CTDSP2: variants seen among roughly 807,000 people sequenced by gnomAD.
CTDSP2 encodes the protein carboxy-terminal domain RNA polymerase II polypeptide A small phosphatase 2.
A neutral mutation model predicts 31.6 loss-of-function variants in CTDSP2; 9 were observed. The observed-to-expected ratio is 0.28, with a 90% CI of 0.17 to 0.50. The LOEUF is 0.50. CTDSP2 is among the 20% of genes least tolerant of loss of function. The probability of loss-of-function intolerance (pLI) is 0.98; values close to 1 mark genes in which losing one functional copy is unlikely to be tolerated. For synonymous variants in CTDSP2, 134 were observed against 134.5 expected (o/e 1.00, Z 0.03); for missense variants, 267 against 348.5 (o/e 0.77, Z 1.86).
rs1322349412 is a variant in CTDSP2, at chr12:57,824,277, G to A, written c.454C>T (p.Arg152Cys). ...KRPYVDEFLR[R>C]MGELFECVLF... ...ACACATTCAAAGAGTTCCCCCATGC[G>A]TCTCAGGAACTCATCCACATAAGGC... The change falls in exon 6 of 8, where the codon CGC (arginine) becomes TGC (cysteine). Residue 152 changes from arginine (R) to cysteine (C), a missense_variant. By Grantham distance (180) the Arg-to-Cys change is radical. Around this residue, in one of 2 missense-constraint regions of CTDSP2, gnomAD observed 156 missense variants for 241.3 expected, o/e 0.65. Coordinates refer to ENST00000398073, the MANE Select transcript of CTDSP2 (RefSeq NM_005730.4). 3 of 1,613,980 alleles carry A rather than the reference G, an allele frequency of 1.9e-6. No individual in the cohort carries two copies. The highest frequency in any genetic ancestry group is 2.2e-5 in the East Asian group (1 of 44,904).
At chr12:57,828,145 C>T (rs747929917) in intron 2 of CTDSP2, among the ~76,000 whole-genome samples, 10 of 152,280 alleles carry the variant, frequency 6.6e-5, no homozygotes, top group Non-Finnish European at 1.3e-4. Context: ...GACCGCCGGG[C>T]GCAGTGGCTC....
At position 57,821,007 on chromosome 12, in the gene CTDSP2, T is replaced by G. The variant is rs913917739; in HGVS notation, c.*2595A>C. Reference sequence around the variant, plus strand: ...AGTCTCAAGTGGGAGGGGCTGATGGTGGGAAGCCCTAGAAGAGAGTCTGGG... The same window carrying G: ...AGTCTCAAGTGGGAGGGGCTGATGGGGGGAAGCCCTAGAAGAGAGTCTGGG... On this transcript the variant is annotated 3_prime_UTR_variant, in exon 8 of 8. Coordinates refer to ENST00000398073, the MANE Select transcript of CTDSP2 (RefSeq NM_005730.4). 2.0e-5 allele frequency: 3 copies of G among 152,140 alleles called. No homozygotes were observed. Among genetic ancestry groups the G allele is most frequent in the African/African-American group, 7.2e-5 (3 of 41,416 alleles). 9.4% of individuals were successfully genotyped at this position (152,140 alleles called of 1,614,324 possible).
intron 1 of CTDSP2, among the ~76,000 whole-genome samples, chr12:57,831,409 T>C (rs1241106941): frequency 1.3e-5 from 2 of 151,986 alleles, no homozygotes; most frequent in Non-Finnish European, 2.9e-5. Context: ...GCCGAGATCA[T>C]GCGACTGCAC....
chr12:57,825,921 G>C (rs1006085980), intron 5 of CTDSP2, among the ~76,000 whole-genome samples: 1 of 152,160 alleles, frequency 6.6e-6, no homozygotes, highest in African/African-American at 2.4e-5. Context: ...GGTTACTACT[G>C]ATTTCCCTGC....
chr12:57,833,910 T>C (rs1208860658), intron 1 of CTDSP2, among the ~76,000 whole-genome samples: 1 of 152,214 alleles, frequency 6.6e-6, no homozygotes, highest in East Asian at 1.9e-4. Context: ...CATCATTACC[T>C]CATTTAATCC....
intron 1 of CTDSP2, among the ~76,000 whole-genome samples, chr12:57,845,245 C>G (rs1448959605): frequency 6.6e-6 from 1 of 152,170 alleles, no homozygotes; most frequent in East Asian, 1.9e-4. Flanking sequence ...GGGGGGCTCT[C>G]TAGAGAAACG....
At chr12:57,830,979 C>T (rs1353500654) in intron 1 of CTDSP2, among the ~76,000 whole-genome samples, 3 of 151,360 alleles carry the variant, frequency 2.0e-5, no homozygotes, top group African/African-American at 7.3e-5. Flanking sequence ...AACTCCTGAC[C>T]TCAGGTGATC....
intron 1 of CTDSP2, among the ~76,000 whole-genome samples, chr12:57,835,559 C>CTGCTA (rs1565847473): frequency 1.3e-5 from 2 of 152,228 alleles, no homozygotes; most frequent in Non-Finnish European, 2.9e-5. Context: ...CCTTCATTCC[C>CTGCTA]TGCTACCCTC....
At chr12:57,842,530 T>A (rs887771022) in intron 1 of CTDSP2, 1 of 152,200 alleles carries the variant, frequency 6.6e-6, no homozygotes, top group Non-Finnish European at 1.5e-5. Flanking sequence ...GCCCCAGATG[T>A]TAGGCATTTA....
At chr12:57,841,406 A>G (rs1956281832) in intron 1 of CTDSP2, among the ~76,000 whole-genome samples, 1 of 152,248 alleles carries the variant, frequency 6.6e-6, no homozygotes, top group African/African-American at 2.4e-5. Flanking sequence ...TAACTCTCAA[A>G]GCAGACAGTG....
At chr12:57,832,995 C>T (rs894742782) in intron 1 of CTDSP2, among the ~76,000 whole-genome samples, 1 of 152,124 alleles carries the variant, frequency 6.6e-6, no homozygotes, top group Non-Finnish European at 1.5e-5. Context: ...AAGACCAAAG[C>T]TGAACCATCG....
In CTDSP2 at chr12:57,823,626, G is replaced by C. The variant is rs1956162585; in HGVS notation, c.792C>G (p.Ser264Arg). 6.2e-7 allele frequency: 1 copy of C among 1,614,008 alleles called. No individual in the cohort carries two copies. The highest frequency in any genetic ancestry group is 1.1e-5 in the South Asian group (1 of 91,070). ...GCTAAGGGGCCCGCAGCTGCCCAAGGCTGGTGTAGACGTCCTCTGCTCCGC... is the reference window on the plus strand; with the variant it reads ...GCTAAGGGGCCCGCAGCTGCCCAAGCCTGGTGTAGACGTCCTCTGCTCCGC... ...ELSGAEDVYTSLGQLRAP is the reference protein window; with the variant it reads ...ELSGAEDVYTRLGQLRAP The change falls in exon 8 of 8, where the codon AGC (serine) becomes AGG (arginine). Residue 264 changes from serine (S) to arginine (R), a missense_variant. Coordinates refer to ENST00000398073, the MANE Select transcript of CTDSP2 (RefSeq NM_005730.4).
rs1595188521 is a variant in CTDSP2 at position 57,827,564 on chromosome 12, G to A, written c.240C>T (p.Tyr80=). 4 of 1,614,074 alleles carry A rather than the reference G, an allele frequency of 2.5e-6. No homozygotes were observed. In the East Asian group the frequency reaches 8.9e-5, roughly 36 times the overall value. Residue 80 remains tyrosine (Y), a synonymous_variant, in exon 3 of 8, where the codon TAC becomes TAT. Coordinates refer to ENST00000398073, the MANE Select transcript of CTDSP2 (RefSeq NM_005730.4). The part of the protein sequence containing the change: ...AKSDLLQCLQ[Y]QFYQIPGTCL... ...CAGAGTCACGTACCTGGTAGAACTG[G>A]TACTGGAGACACTGGAGCAGATCCG...
rs905133861 is a variant in CTDSP2, at chr12:57,832,265, C to T, written c.65-2669G>A. Among the ~76,000 whole-genome samples, 7 of 152,238 alleles carry T rather than the reference C, an allele frequency of 4.6e-5. No homozygotes were observed. The South Asian group carries it at 8.3e-4, about 18-fold the overall frequency. On this transcript the variant is annotated intron_variant, in intron 1 of 7. Transcript: ENST00000398073. ...AGCCTGAAAGCCTGGACATCACTTT[C>T]AAGCTCCTGGCTCTGGAAGAGGAAC...
At chr12:57,827,651 C>T in intron 2 of CTDSP2, 61 bp from the exon 3 acceptor site, 2 of 1,536,112 alleles carry the variant, frequency 1.3e-6, no homozygotes, top group East Asian at 2.3e-5. Flanking sequence ...CATCCAAACC[C>T]ACTGCTTCTG....
At chr12:57,827,178 G>A (rs1956188349) in intron 3 of CTDSP2, 81 bp from the exon 4 acceptor site, 1 of 1,018,092 alleles carries the variant, frequency 9.8e-7, no homozygotes, top group African/African-American at 1.6e-5. Context: ...GGAAGAGCTG[G>A]GTTGTTTGTG....
intron 1 of CTDSP2, among the ~76,000 whole-genome samples, chr12:57,838,303 AAACTC>A (rs1182338151): frequency 6.6e-6 from 1 of 152,196 alleles, no homozygotes; most frequent in Non-Finnish European, 1.5e-5. Context: ...CCATCCAAGA[AAACTC>A]AAAGGACTGG....
At chr12:57,823,759 C>T (rs763503357) in intron 7 of CTDSP2, 32 bp from the exon 8 acceptor site, 15 of 1,612,832 alleles carry the variant, frequency 9.3e-6, no homozygotes, top group Middle Eastern at 1.6e-4. Flanking sequence ...GTCAATCTCC[C>T]GACTGCTGCT....
At position 57,823,666 on chromosome 12, in the gene CTDSP2, A is replaced by G. The variant is rs375864907; in HGVS notation, c.752T>C (p.Ile251Thr). The change falls in exon 8 of 8, where the codon ATC becomes ACC. Residue 251 changes from isoleucine (I) to threonine (T), a missense_variant. Ile to Thr is a moderately conservative substitution (Grantham distance 89). This residue lies in a region of CTDSP2 where 156 missense variants were observed against 241.3 expected (regional missense o/e 0.65). Transcript: ENST00000398073. ...CTCTGCTCCGCTCAGCTCCTCAAAG[A>G]TTGGGATCAGGTTCAGCAACTCAGT... Reference protein sequence around the residue: ...ADTELLNLIPIFEELSGAEDV... With the variant: ...ADTELLNLIPTFEELSGAEDV... 3.1e-6 allele frequency: 5 copies of G among 1,613,976 alleles called. No individual in the cohort carries two copies. Among genetic ancestry groups the G allele is most frequent in the Non-Finnish European group, 4.2e-6 (5 of 1,180,030 alleles).
Sources: allele counts gnomAD v4.1 joint callset (sites outside exome capture counted in the v4.1 genomes callset), GRCh38; gene constraint gnomAD v4.1.1; regional missense constraint gnomAD v4.1.1; transcripts MANE v1.5; gene names NCBI Gene and HGNC (gene_info 2026-07-23, HGNC 2026-07-21).